GOLGA6L9: variants seen among roughly 807,000 people sequenced by gnomAD.
GOLGA6L9 encodes golgin subfamily A member 6-like protein 9.
In GOLGA6L9, 19 loss-of-function variants were observed where a neutral mutation model predicts 51.3. The ratio of observed to expected loss-of-function variants is 0.37; its 90% CI spans 0.26 to 0.54. The LOEUF is 0.54. Among genes scored for constraint, GOLGA6L9 ranks in the 20% least tolerant of loss-of-function variants. The probability of loss-of-function intolerance (pLI) is 0.83; values close to 1 mark genes in which losing one functional copy is unlikely to be tolerated. For synonymous variants in GOLGA6L9, 97 were observed against 184.2 expected, an observed-to-expected ratio of 0.53 and a Z score of 3.83; for missense variants, 247 against 464.1, an observed-to-expected ratio of 0.53 and a Z score of 4.30.
intron 7 of GOLGA6L9, chr15:82,435,435 G>C: frequency 4.1e-6 from 1 of 243,066 alleles, no homozygotes; most frequent in Non-Finnish European, 7.6e-6. Flanking sequence ...GAGCCCGGGA[G>C]ATGAAGGTTG....
chr15:82,419,609 C>T, the GOLGA6L9 span, among the ~76,000 whole-genome samples: 12 of 151,870 alleles, frequency 7.9e-5, no homozygotes, highest in Admixed American at 7.9e-4. Context: ...GAGATGGTGC[C>T]ACCGCACTCC....
At position 82,434,333 on chromosome 15, in the gene GOLGA6L9, C is replaced by T; in HGVS notation, c.733C>T (p.Gln245Ter). ...GTGTGAACAGGAGAAGCTGCCAGGGCAGGAGAGGCTGCTGGAAGAGGTGGA... is the reference window on the plus strand; with the variant it reads ...GTGTGAACAGGAGAAGCTGCCAGGGTAGGAGAGGCTGCTGGAAGAGGTGGA... ...RLCEQEKLPG[Q>*]ERLLEEVEKL... The change falls in exon 6 of 9, where the codon CAG (glutamine) becomes TAG (stop). Residue 245 changes from glutamine to a stop codon, truncating the protein, a stop_gained. Coordinates refer to ENST00000618348, the MANE Select transcript of GOLGA6L9 (RefSeq NM_198181.4). LOFTEE classifies it high-confidence loss of function. 3 of 1,531,136 alleles carry T rather than the reference C, an allele frequency of 2.0e-6. No homozygotes were observed. The highest frequency in any genetic ancestry group is 1.4e-5 in the African/African-American group (1 of 72,654). The allele number at this position is 1,531,136 out of a possible 1,614,324, so 94.8% of individuals were successfully genotyped here. A position where few individuals can be genotyped will look rare whatever the true frequency, so the allele number is the denominator to read the frequency against.
chr15:82,416,013 A>T, the GOLGA6L9 span: 1 of 152,204 alleles, frequency 6.6e-6, no homozygotes, highest in South Asian at 2.1e-4. Context: ...AGAAAAAGAA[A>T]AGCTAAGCAT....
the GOLGA6L9 span, among the ~76,000 whole-genome samples, chr15:82,417,314 T>A: frequency 6.6e-6 from 1 of 152,202 alleles, no homozygotes; most frequent in African/African-American, 2.4e-5. Flanking sequence ...TCTTGAACTG[T>A]CTCAATATTC....
chr15:82,417,136 A>C, the GOLGA6L9 span, among the ~76,000 whole-genome samples: 9 of 152,224 alleles, frequency 5.9e-5, no homozygotes, highest in Non-Finnish European at 1.3e-4. Context: ...TTTTCTTTGA[A>C]GTGATTATAA....
intron 4 of GOLGA6L9, among the ~76,000 whole-genome samples, chr15:82,433,099 C>T (rs1178492868): frequency 2.5e-4 from 38 of 151,628 alleles, no homozygotes; most frequent in African/African-American, 9.2e-4. Flanking sequence ...CTGACTCTCT[C>T]TTCTCCAGAC....
chr15:82,420,109 G>A, the GOLGA6L9 span: 1 of 314,108 alleles, frequency 3.2e-6, no homozygotes, highest in East Asian at 7.1e-5. Flanking sequence ...TAAACCATAA[G>A]ATATATTTTA....
the GOLGA6L9 span, chr15:82,419,871 T>G: frequency 5.3e-6 from 1 of 188,286 alleles, no homozygotes; most frequent in Non-Finnish European, 1.2e-5. Flanking sequence ...GACTCCAGAC[T>G]TTTTAACACT....
chr15:82,433,901 C>T (rs1475265634), intron 5 of GOLGA6L9, 133 bp from the exon 6 acceptor site: 1 of 1,246,608 alleles, frequency 8.0e-7, no homozygotes, highest in African/African-American at 1.8e-5. Context: ...TGTCTACCAT[C>T]CGGGTGTGAG....
At chr15:82,417,499 T>G in the GOLGA6L9 span, among the ~76,000 whole-genome samples, 1 of 152,236 alleles carries the variant, frequency 6.6e-6, no homozygotes, top group Non-Finnish European at 1.5e-5. Context: ...CTAGAACTAC[T>G]TCTGTCTTCT....
chr15:82,434,584 C>T lies in GOLGA6L9; in HGVS notation c.984C>T (p.Arg328=). Residue 328 remains arginine, a synonymous_variant, in exon 6 of 9, where the codon CGC becomes CGT. Transcript: ENST00000618348. ...TGTACGAGCAGCGGGCCGAGCCACG[C>T]AGCGGCTTCGAGGAGCTGGTGCGTT... ...EALYEQRAEP[R]SGFEELNNEN... 2.0e-6 allele frequency: 3 copies of T among 1,536,270 alleles called. No individual in the cohort carries two copies. In the South Asian group the frequency reaches 3.6e-5, roughly 18 times the overall value.
chr15:82,416,490 G>A, the GOLGA6L9 span, among the ~76,000 whole-genome samples: 4 of 152,290 alleles, frequency 2.6e-5, no homozygotes, highest in East Asian at 7.7e-4. Context: ...GAGTGTGACA[G>A]TAGTTGAGGG....
At chr15:82,416,854 A>T in the GOLGA6L9 span, among the ~76,000 whole-genome samples, 1 of 152,172 alleles carries the variant, frequency 6.6e-6, no homozygotes, top group Non-Finnish European at 1.5e-5. Flanking sequence ...ATTGTGATAC[A>T]GCTTTTATAT....
intron 4 of GOLGA6L9, among the ~76,000 whole-genome samples, 154 bp from the exon 5 acceptor site, chr15:82,433,408 C>T (rs2031501415): frequency 6.6e-6 from 1 of 151,998 alleles, no homozygotes; most frequent in Non-Finnish European, 1.5e-5. Flanking sequence ...AAGAACTGTA[C>T]CTGGCCTGTA....
At chr15:82,429,717 A>G (rs1206769018), upstream of GOLGA6L9, among the ~76,000 whole-genome samples, 107 of 152,324 alleles carry the variant, frequency 7.0e-4, 2 homozygotes, top group African/African-American at 2.4e-3. Flanking sequence ...AGACACACAT[A>G]TATAAAGTAT....
upstream of GOLGA6L9, among the ~76,000 whole-genome samples, chr15:82,429,365 G>A (rs1298460778): frequency 9.2e-5 from 14 of 152,214 alleles, no homozygotes; most frequent in African/African-American, 3.1e-4. Flanking sequence ...GTGAGCCACC[G>A]CACCTGGCCC....
the GOLGA6L9 span, among the ~76,000 whole-genome samples, chr15:82,416,204 A>G: frequency 6.6e-6 from 1 of 152,184 alleles, no homozygotes; most frequent in Non-Finnish European, 1.5e-5. Flanking sequence ...AGGGGTTCAG[A>G]GTATACGAAA....
chr15:82,437,852 T>C lies in GOLGA6L9; in HGVS notation c.*1441T>C, dbSNP rs1369593120. The stretch of plus-strand genomic sequence containing the variant: ...GTCAAAGTGTCATGAGGAAAGTGTC[T>C]ATACAATCACAGAGTTATATTTCCT... On this transcript the variant is annotated 3_prime_UTR_variant, in exon 9 of 9. Coordinates refer to ENST00000618348, the MANE Select transcript of GOLGA6L9 (RefSeq NM_198181.4). The C allele has an allele frequency of 4.0e-5, 6 of 151,272 alleles. 1 individual carries two copies. The highest frequency in any genetic ancestry group is 8.8e-5 in the Non-Finnish European group (6 of 67,826). 9.4% of individuals were successfully genotyped at this position (151,272 alleles called of 1,614,324 possible).
At chr15:82,416,486 GACAGTA>G in the GOLGA6L9 span, among the ~76,000 whole-genome samples, 1 of 152,190 alleles carries the variant, frequency 6.6e-6, no homozygotes, top group Admixed American at 6.5e-5. Context: ...AGAAGAGTGT[GACAGTA>G]GTTGAGGGCA....
Sources: allele counts gnomAD v4.1 joint callset (sites outside exome capture counted in the v4.1 genomes callset), GRCh38; gene constraint gnomAD v4.1.1; transcripts MANE v1.5; gene names NCBI Gene and HGNC (gene_info 2026-07-23, HGNC 2026-07-21).